Variants in RASGEF1C observed in about 807,000 individuals in gnomAD.
The protein encoded by RASGEF1C is ras-GEF domain-containing family member 1C.
Under a neutral mutation model 58.1 loss-of-function variants are expected in RASGEF1C, and 27 were observed. The ratio of observed to expected loss-of-function variants is 0.46; its 90% confidence interval spans 0.34 to 0.64. RASGEF1C has a LOEUF of 0.64. Ranked by LOEUF, RASGEF1C falls within the 30% of genes least tolerant of loss-of-function variation. The pLI, the probability that RASGEF1C is intolerant of heterozygous loss-of-function variation, is 0.01. For synonymous variants in RASGEF1C, 243 were observed against 246.3 expected, an observed-to-expected ratio of 0.99 and a Z score of 0.13; for missense variants, 502 against 605.1, an observed-to-expected ratio of 0.83 and a Z score of 1.79.
rs1400239312 is a variant in RASGEF1C, at chr5:180,118,656, G to A, written c.1036C>T (p.Arg346Cys). 6 of 1,614,028 alleles carry A rather than the reference G, an allele frequency of 3.7e-6. No individual in the cohort carries two copies. The highest frequency in any genetic ancestry group is 2.2e-5 in the South Asian group (2 of 91,054). The part of the protein sequence containing the change: ...GNFCNYRTAL[R>C]GAAHRSLTAH... The stretch of plus-strand genomic sequence containing the variant: ...GTCAGGGAGCGGTGGGCCGCCCCGC[G>A]CAGGGCTGTCCTGTAGTTGCAGAAA... The change falls in exon 10 of 14, where the codon CGC becomes TGC. Residue 346 changes from arginine (R) to cysteine (C), a missense_variant. Physicochemically the swap from Arg to Cys is radical, Grantham distance 180 (BLOSUM62 -3). Transcript: ENST00000361132.
chr5:180,118,967 G>A lies in RASGEF1C; in HGVS notation c.908-101C>T, dbSNP rs990901372. On this transcript the variant is annotated intron_variant, in intron 8 of 13. Transcript: ENST00000361132. ...TGCACCCTGACCAGGGCTGAGGTCT[G>A]CAGGGCTCAGCCTGTCACATGGTGG... 6.5e-6 allele frequency: 7 copies of A among 1,081,324 alleles called. No homozygotes were observed. The African/African-American group carries it at 9.3e-5, about 14-fold the overall frequency. 67.0% of individuals were successfully genotyped at this position (1,081,324 alleles called of 1,614,324 possible). A position where few individuals can be genotyped will look rare whatever the true frequency, so the allele number is the denominator to read the frequency against.
At chr5:180,102,296 C>T (rs564039444) in intron 12 of RASGEF1C, among the ~76,000 whole-genome samples, 153 bp from the exon 13 acceptor site, 10 of 151,800 alleles carry the variant, frequency 6.6e-5, no homozygotes, top group Non-Finnish European at 1.0e-4. Context: ...GCTGTCTTAA[C>T]GACAGTAGTT....
At chr5:180,173,652 C>A (rs188564717) in intron 1 of RASGEF1C, among the ~76,000 whole-genome samples, 2 of 152,240 alleles carry the variant, frequency 1.3e-5, no homozygotes, top group East Asian at 1.9e-4. Flanking sequence ...CGGTGGCTCC[C>A]GCCTGTAGTC....
intron 1 of RASGEF1C, among the ~76,000 whole-genome samples, chr5:180,170,547 G>A (rs1277433652): frequency 6.6e-6 from 1 of 152,080 alleles, no homozygotes; most frequent in Non-Finnish European, 1.5e-5. Context: ...CCTGGTCCTC[G>A]CCTGTCCCCG....
Position 180,198,995 on chromosome 5 carries a change from A to T in RASGEF1C, c.-7+10033T>A, listed in dbSNP as rs1756331560. 6.6e-6 allele frequency among the ~76,000 whole-genome samples: 1 copy of T among 152,056 alleles called. No individual in the cohort carries two copies. Among genetic ancestry groups the T allele is most frequent in the Non-Finnish European group, 1.5e-5 (1 of 67,974 alleles). On this transcript the variant is annotated intron_variant, in intron 1 of 13. Coordinates refer to ENST00000361132, the MANE Select transcript of RASGEF1C (RefSeq NM_175062.4). The surrounding 1 kb of genome is among the most constrained non-coding windows in gnomAD (Gnocchi z 4.5). ...AGAAGGGAAACTGAGGCAGGAGCCCAACAGTACCACAGCACATCCTGGCAA... is the reference window on the plus strand; with the variant it reads ...AGAAGGGAAACTGAGGCAGGAGCCCTACAGTACCACAGCACATCCTGGCAA...
At chr5:180,124,345 GT>G (rs1289068764) in intron 6 of RASGEF1C, among the ~76,000 whole-genome samples, 2 of 152,166 alleles carry the variant, frequency 1.3e-5, no homozygotes, top group Non-Finnish European at 2.9e-5. Flanking sequence ...AGAGATCAGG[GT>G]AAGAGAAACA....
At chr5:180,142,839 T>C (rs1766602675) in intron 1 of RASGEF1C, among the ~76,000 whole-genome samples, 1 of 152,076 alleles carries the variant, frequency 6.6e-6, no homozygotes, top group African/African-American at 2.4e-5. Context: ...CATCAGAGGA[T>C]GGCTCTGGGA....
intron 12 of RASGEF1C, among the ~76,000 whole-genome samples, chr5:180,107,025 G>A (rs570830395): frequency 2.0e-5 from 3 of 152,150 alleles, no homozygotes; most frequent in Middle Eastern, 3.4e-3. Flanking sequence ...GTCCTTCTTT[G>A]TTTCTGGTAA....
At chr5:180,186,362 T>A (rs758056961) in intron 1 of RASGEF1C, among the ~76,000 whole-genome samples, 3 of 152,020 alleles carry the variant, frequency 2.0e-5, no homozygotes, top group Non-Finnish European at 4.4e-5. Flanking sequence ...CAAACAAATA[T>A]CAGCTGTATT....
intron 1 of RASGEF1C, among the ~76,000 whole-genome samples, chr5:180,176,170 G>C (rs1169270466): frequency 6.6e-6 from 1 of 152,224 alleles, no homozygotes; most frequent in Non-Finnish European, 1.5e-5. Context: ...GGGTCTCTTA[G>C]ACAAAAGTCC....
Position 180,168,012 on chromosome 5 carries a change from G to A in RASGEF1C, c.-6-29954C>T, listed in dbSNP as rs192754225. Among the ~76,000 whole-genome samples, 12 of 152,280 alleles carry A rather than the reference G, an allele frequency of 7.9e-5. No homozygotes were observed. The highest frequency in any genetic ancestry group is 4.4e-5 in the Non-Finnish European group (3 of 68,034). On this transcript the variant is annotated intron_variant, in intron 1 of 13. Coordinates refer to ENST00000361132, the MANE Select transcript of RASGEF1C (RefSeq NM_175062.4). This position sits in a 1 kb window ranked among gnomAD's most constrained non-coding sequence, Gnocchi z 6.0. ...TAGCGGCCAGTCTGAGACCTGGGCCGTGTTTTATTTTGTACTATAGTTGTC... is the reference window on the plus strand; with the variant it reads ...TAGCGGCCAGTCTGAGACCTGGGCCATGTTTTATTTTGTACTATAGTTGTC...
At chr5:180,116,070 T>C (rs1040586348) in intron 10 of RASGEF1C, among the ~76,000 whole-genome samples, 1 of 152,072 alleles carries the variant, frequency 6.6e-6, no homozygotes, top group African/African-American at 2.4e-5. Context: ...GGCAGTGGCA[T>C]TGAGCTGGTC....
chr5:180,152,726 A>AG (rs1281206546), intron 1 of RASGEF1C, among the ~76,000 whole-genome samples: 26 of 151,116 alleles, frequency 1.7e-4, no homozygotes, highest in Admixed American at 7.9e-4. Flanking sequence ...AAAAAAAAAA[A>AG]AGAAAGAAAA....
At chr5:180,103,278 C>A (rs111268824) in intron 12 of RASGEF1C, among the ~76,000 whole-genome samples, 6 of 152,124 alleles carry the variant, frequency 3.9e-5, no homozygotes, top group South Asian at 2.1e-4. Flanking sequence ...GGGGTTTCAC[C>A]GTGTTAGCCA....
chr5:180,128,563 C>G lies in RASGEF1C; in HGVS notation c.486G>C (p.Lys162Asn). The change falls in exon 5 of 14, where the codon AAG becomes AAC. Residue 162 changes from lysine (K) to asparagine (N), a missense_variant. Transcript: ENST00000361132. ...CTGGCCCCTGGCGCAGAGCCGCCAG[C>G]TTCTGGTGCAGAGCCTGTAGGAGCT... The part of the protein sequence containing the change: ...MHQLLQALHQ[K>N]LAALRQGPEG... 1.9e-6 allele frequency: 3 copies of G among 1,614,100 alleles called. No homozygotes were observed. The highest frequency in any genetic ancestry group is 2.5e-6 in the Non-Finnish European group (3 of 1,180,014).
At chr5:180,151,857 C>G (rs1021211479) in intron 1 of RASGEF1C, among the ~76,000 whole-genome samples, 2 of 105,512 alleles carry the variant, frequency 1.9e-5, no homozygotes, top group African/African-American at 6.0e-5. Context: ...ACAATGAACT[C>G]AAACAAATTT....
chr5:180,166,352 T>A (rs150654908), intron 1 of RASGEF1C, among the ~76,000 whole-genome samples: 129 of 152,320 alleles, frequency 8.5e-4, no homozygotes, highest in Admixed American at 7.1e-3. Context: ...TCTCTGTTGC[T>A]CTTCCTTCAT....
chr5:180,120,351 G>A (rs751652006), intron 7 of RASGEF1C, among the ~76,000 whole-genome samples: 1 of 152,206 alleles, frequency 6.6e-6, no homozygotes, highest in Non-Finnish European at 1.5e-5. Context: ...GTCGCATGGG[G>A]CCGCCTCCTC....
In RASGEF1C at chr5:180,202,313, G is replaced by C. The variant is rs145803814; in HGVS notation, c.-7+6715C>G. Among the ~76,000 whole-genome samples the C allele has an allele frequency of 4.0e-3, 613 of 151,794 alleles. 7 individuals are homozygous for C. Among genetic ancestry groups the C allele is most frequent in the African/African-American group, 0.014 (594 of 41,352 alleles). On this transcript the variant is annotated intron_variant, in intron 1 of 13. Coordinates refer to ENST00000361132, the MANE Select transcript of RASGEF1C (RefSeq NM_175062.4). Reference sequence around the variant, plus strand: ...ATTATTGGCATCTCTGAAGAAAAAAGGTAAAATAATGGTACATAATATTTA... The same window carrying C: ...ATTATTGGCATCTCTGAAGAAAAAACGTAAAATAATGGTACATAATATTTA...
Sources: gnomAD v4.1 joint callset for allele counts (sites outside exome capture counted in the v4.1 genomes callset) on GRCh38, gnomAD v4.1.1 for gene constraint, Gnocchi (gnomAD v3.1) non-coding constraint, MANE v1.5 for transcripts, NCBI Gene and HGNC (gene_info 2026-07-23, HGNC 2026-07-21) for gene names.